The following DCAF5 variants were observed in gnomAD, a reference collection of about 807,000 sequenced individuals.
DCAF5 encodes DDB1- and CUL4-associated factor 5.
Under a neutral mutation model 80.7 loss-of-function variants are expected in DCAF5, and 9 were observed. That is an observed-to-expected ratio of 0.11 (90% CI 0.07 to 0.19). The LOEUF (loss-of-function observed/expected upper bound fraction) is 0.19. Among genes scored for constraint, DCAF5 ranks in the 10% least tolerant of loss-of-function variants. DCAF5 has a pLI of 1.00. For missense variants in DCAF5, 842 were observed against 1,205.7 expected (o/e 0.70, Z 4.47); for synonymous variants, 433 against 461.9 (o/e 0.94, Z 0.80).
chr14:69,095,421 T>C (rs2039671371), intron 5 of DCAF5, among the ~76,000 whole-genome samples: 1 of 152,134 alleles, frequency 6.6e-6, no homozygotes, highest in Non-Finnish European at 1.5e-5. Context: ...AAGAACAGGG[T>C]AGGAGGTGAT....
intron 4 of DCAF5, among the ~76,000 whole-genome samples, chr14:69,116,705 C>T (rs2040555338): frequency 1.3e-5 from 2 of 152,060 alleles, no homozygotes; most frequent in South Asian, 4.2e-4. Flanking sequence ...CATTTAACCA[C>T]ATTTTAAGCT....
At position 69,055,064 on chromosome 14, in the gene DCAF5, T is replaced by A. The variant is rs772392493; in HGVS notation, c.1622A>T (p.Glu541Val). The A allele has an allele frequency of 1.9e-6, 3 of 1,614,036 alleles. No homozygotes were observed. The part of the protein sequence containing the change: ...SDSEENVCEV[E>V]LDTDLFPRPR... ...CCGGGGAAAGAGATCTGTGTCTAGT[T>A]CCACCTCACAGACATTCTCCTCAGA... Residue 541 changes from glutamate to valine, a missense_variant, in exon 9 of 9, where the codon GAA becomes GTA. Transcript: ENST00000341516. This position sits in a 1 kb window ranked among gnomAD's most constrained non-coding sequence, Gnocchi z 5.6.
At chr14:69,091,017 G>T in intron 6 of DCAF5, 1 of 710,782 alleles carries the variant, frequency 1.4e-6, no homozygotes, top group East Asian at 2.6e-5. Flanking sequence ...GAACTTCTAT[G>T]GTTAAGACAG....
chr14:69,076,682 A>C (rs982101417), intron 6 of DCAF5, among the ~76,000 whole-genome samples: 1 of 152,234 alleles, frequency 6.6e-6, no homozygotes, highest in Non-Finnish European at 1.5e-5. Flanking sequence ...ATGATGAAGA[A>C]GTTCTGAAGG....
At chr14:69,059,299 A>ACAGTT (rs960398056) in intron 8 of DCAF5, among the ~76,000 whole-genome samples, 6 of 152,248 alleles carry the variant, frequency 3.9e-5, no homozygotes, top group Non-Finnish European at 5.9e-5. Flanking sequence ...TGTCCCTGAC[A>ACAGTT]ATAGGGACTC....
chr14:69,152,802 A>G lies in DCAF5; in HGVS notation c.177T>C (p.Ile59=). Residue 59 remains isoleucine, a synonymous_variant, in exon 1 of 9, where the codon ATT becomes ATC. Transcript: ENST00000341516. The surrounding 1 kb of genome is among the most constrained non-coding windows in gnomAD (Gnocchi z 4.1). ...ACTGGCCTCCATTGTTGGAGAATTC[A>G]ATGGCATTGACACAGCCGAAGTGGC... ...LLGHFGCVNA[I]EFSNNGGQWL... 1 of 1,614,008 alleles carries G rather than the reference A, an allele frequency of 6.2e-7. No homozygotes were observed. The highest frequency in any genetic ancestry group is 1.1e-5 in the South Asian group (1 of 91,074).
intron 1 of DCAF5, among the ~76,000 whole-genome samples, chr14:69,143,590 T>C (rs2041442206): frequency 8.0e-6 from 1 of 124,846 alleles, no homozygotes; most frequent in Non-Finnish European, 1.6e-5. Flanking sequence ...CAAACAGCAA[T>C]GTCTCAGCTG....
chr14:69,123,832 G>T (rs1396336530), intron 1 of DCAF5, among the ~76,000 whole-genome samples: 2 of 152,072 alleles, frequency 1.3e-5, no homozygotes, highest in African/African-American at 4.8e-5. Context: ...CTGAGTAGCT[G>T]GGATTACAGG....
chr14:69,078,450 G>C (rs1401344396), intron 6 of DCAF5, among the ~76,000 whole-genome samples: 1 of 152,118 alleles, frequency 6.6e-6, no homozygotes, highest in African/African-American at 2.4e-5. Context: ...TCCAATTCTG[G>C]GTATATATCC....
rs530786110 is a variant in DCAF5 at position 69,152,817 on chromosome 14, G to A, written c.162C>T (p.Gly54=). Residue 54 remains glycine, a synonymous_variant, in exon 1 of 9, where the codon GGC becomes GGT. Coordinates refer to ENST00000341516, the MANE Select transcript of DCAF5 (RefSeq NM_003861.3). This position sits in a 1 kb window ranked among gnomAD's most constrained non-coding sequence, Gnocchi z 4.1. ...LYKKDLLGHF[G]CVNAIEFSNN... is the part of the protein sequence containing the mutation. ...TGGAGAATTCAATGGCATTGACACA[G>A]CCGAAGTGGCCGAGGAGGTCCTTCT... 6 of 1,614,088 alleles carry A rather than the reference G, an allele frequency of 3.7e-6. No individual in the cohort carries two copies. The South Asian group carries it at 6.6e-5, about 18-fold the overall frequency.
At chr14:69,129,524 G>A (rs2040977428) in intron 1 of DCAF5, among the ~76,000 whole-genome samples, 1 of 152,236 alleles carries the variant, frequency 6.6e-6, no homozygotes, top group Non-Finnish European at 1.5e-5. Context: ...GGGAAAGTCA[G>A]TTCAGACGCA....
chr14:69,098,054 G>C (rs1033204599), intron 5 of DCAF5, among the ~76,000 whole-genome samples: 78 of 152,094 alleles, frequency 5.1e-4, no homozygotes, highest in Non-Finnish European at 9.7e-4. Context: ...TTCAACTAGA[G>C]TAAAAACCAA....
At chr14:69,127,100 A>ACT (rs1434056506) in intron 1 of DCAF5, among the ~76,000 whole-genome samples, 7 of 152,286 alleles carry the variant, frequency 4.6e-5, no homozygotes, top group African/African-American at 1.4e-4. Context: ...AACTAAACGT[A>ACT]CTCTTATCAC....
chr14:69,091,328 T>A (rs1390977783), intron 6 of DCAF5, among the ~76,000 whole-genome samples: 2 of 152,316 alleles, frequency 1.3e-5, no homozygotes, highest in Non-Finnish European at 2.9e-5. Context: ...TTCTTTTTTT[T>A]AATGTCTCTC....
upstream of DCAF5, chr14:69,153,140 G>T: frequency 4.1e-6 from 2 of 492,516 alleles, no homozygotes; most frequent in Non-Finnish European, 6.7e-6. Context: ...GGCGGCGTTC[G>T]CGGCTTCCTG....
chr14:69,059,859 A>T (rs2038139089), intron 8 of DCAF5, among the ~76,000 whole-genome samples: 1 of 152,162 alleles, frequency 6.6e-6, no homozygotes. Flanking sequence ...TCCCATGCAA[A>T]CTAGGGAGCA....
In DCAF5 at chr14:69,116,479, T is replaced by G. The variant is rs2040547731; in HGVS notation, c.552A>C (p.Ala184=). 6.2e-7 allele frequency: 1 copy of G among 1,613,324 alleles called. No individual in the cohort carries two copies. ...CACTATGAAAGGCTGATGGATAGTT[T>G]GCCAGGCAGAAGGGCTCTGTGGAAA... ...ESPHGEPFCL[A]NYPSAFHSVM... is the part of the protein sequence containing the mutation. The change falls in exon 5 of 9, where the codon GCA becomes GCC. Residue 184 remains alanine (A), a synonymous_variant. Coordinates refer to ENST00000341516, the MANE Select transcript of DCAF5 (RefSeq NM_003861.3).
At chr14:69,112,402 T>C (rs2040398536) in intron 5 of DCAF5, among the ~76,000 whole-genome samples, 1 of 151,936 alleles carries the variant, frequency 6.6e-6, no homozygotes, top group South Asian at 2.1e-4. Flanking sequence ...GAGGCACAGA[T>C]GAAAGAAAAC....
At chr14:69,104,465 A>G (rs1329307623) in intron 5 of DCAF5, among the ~76,000 whole-genome samples, 1 of 152,202 alleles carries the variant, frequency 6.6e-6, no homozygotes. Context: ...GGAATATGCT[A>G]AATTACAGTA....
Sources: gnomAD v4.1 joint callset for allele counts (sites outside exome capture counted in the v4.1 genomes callset) on GRCh38, gnomAD v4.1.1 for gene constraint, Gnocchi (gnomAD v3.1) non-coding constraint, MANE v1.5 for transcripts, NCBI Gene and HGNC (gene_info 2026-07-23, HGNC 2026-07-21) for gene names.